Variants in TENM3 observed in about 807,000 individuals in gnomAD.
TENM3 encodes teneurin transmembrane protein 3.
TENM3 carries 63 observed loss-of-function variants against 255.1 expected under a neutral mutation model. The observed-to-expected ratio is 0.25, with a 90% CI of 0.20 to 0.30. The LOEUF (loss-of-function observed/expected upper bound fraction) is 0.30, where lower values mean the gene tolerates loss of function less well. TENM3 is among the 10% of genes least tolerant of loss of function. The pLI is 1.00. For synonymous variants in TENM3, 1,306 were observed against 1,322.3 expected (o/e 0.99, Z 0.27); for missense variants, 2,929 against 3,461.1 (o/e 0.85, Z 3.86).
chr4:181,736,068 C>A, the TENM3 span, among the ~76,000 whole-genome samples: 1 of 152,072 alleles, frequency 6.6e-6, no homozygotes, highest in African/African-American at 2.4e-5. Flanking sequence ...GAGGCCAAAG[C>A]GGGCAGATGA....
the TENM3 span, among the ~76,000 whole-genome samples, chr4:181,655,626 T>C: frequency 6.6e-6 from 1 of 152,132 alleles, no homozygotes; most frequent in Non-Finnish European, 1.5e-5. Flanking sequence ...GCCCCTTTCA[T>C]AGTTTGGAAT....
chr4:182,501,375 G>T (rs1026792335), intron 3 of TENM3, among the ~76,000 whole-genome samples: 9 of 24,026 alleles, frequency 3.7e-4, no homozygotes, highest in East Asian at 2.8e-3. Context: ...TCTAAAAGTG[G>T]GGGGGGGGGT....
chr4:181,796,372 AG>A, the TENM3 span, among the ~76,000 whole-genome samples: 1 of 152,136 alleles, frequency 6.6e-6, no homozygotes, highest in African/African-American at 2.4e-5. Flanking sequence ...CTCAAAGAAA[AG>A]TTTGTGATGT....
the TENM3 span, among the ~76,000 whole-genome samples, chr4:181,705,483 C>A: frequency 6.6e-6 from 1 of 152,206 alleles, no homozygotes; most frequent in South Asian, 2.1e-4. Context: ...CCATCATTTT[C>A]ATTGATGAGA....
chr4:182,599,844 C>A (rs1431562241), intron 3 of TENM3, among the ~76,000 whole-genome samples: 1 of 152,054 alleles, frequency 6.6e-6, no homozygotes, highest in Non-Finnish European at 1.5e-5. Context: ...GCATTTAGTC[C>A]AAAATTGACA....
At chr4:182,672,366 A>G (rs568947953) in intron 6 of TENM3, among the ~76,000 whole-genome samples, 1 of 152,324 alleles carries the variant, frequency 6.6e-6, no homozygotes, top group South Asian at 2.1e-4. Context: ...ATGAGGCTCA[A>G]AAGAAAGAGG....
At chr4:182,132,232 C>A in the TENM3 span, among the ~76,000 whole-genome samples, 1 of 152,114 alleles carries the variant, frequency 6.6e-6, no homozygotes, top group East Asian at 1.9e-4. Flanking sequence ...ATAATCCCAG[C>A]ACTTTGGGAG....
chr4:182,277,544 A>T (rs1381468166), intron 1 of TENM3, among the ~76,000 whole-genome samples: 1 of 152,122 alleles, frequency 6.6e-6, no homozygotes. Flanking sequence ...GTTGGTTGCT[A>T]TTATTGTTTA....
At position 182,679,712 on chromosome 4, in the gene TENM3, A is replaced by C; in HGVS notation, c.1373A>C (p.Glu458Ala). The stretch of plus-strand genomic sequence containing the variant: ...GATGGCAGCAGGCTGATTGCCAGAG[A>C]GCAGCGGAGCCTGCTTGAGACGGAG... Reference protein sequence around the residue: ...LLDGSRLIAREQRSLLETERA... With the variant: ...LLDGSRLIARAQRSLLETERA... The change falls in exon 8 of 28, where the codon GAG becomes GCG. Residue 458 changes from glutamate (E) to alanine (A), a missense_variant. Physicochemically the swap from Glu to Ala is moderately radical, Grantham distance 107. Transcript: ENST00000511685. 6.2e-7 allele frequency: 1 copy of C among 1,613,362 alleles called. No homozygotes were observed. The highest frequency in any genetic ancestry group is 8.5e-7 in the Non-Finnish European group (1 of 1,179,862).
intron 6 of TENM3, among the ~76,000 whole-genome samples, chr4:182,659,271 T>C (rs559159460): frequency 1.6e-4 from 24 of 152,234 alleles, no homozygotes; most frequent in African/African-American, 4.1e-4. Flanking sequence ...TTTTTGTGGT[T>C]TTAGTTACCT....
chr4:182,789,392 A>G lies in TENM3; in HGVS notation c.5601+3A>G. The G allele has an allele frequency of 6.2e-7, 1 of 1,607,168 alleles. No individual in the cohort carries two copies. Among genetic ancestry groups the G allele is most frequent in the Non-Finnish European group, 8.5e-7 (1 of 1,174,794 alleles). The stretch of plus-strand genomic sequence containing the variant: ...GGAGTTACACATATTTAGAAAAGGT[A>G]TGCCTGCAAACTAAGCTCAACAATA... On this transcript the variant is annotated splice_donor_region_variant and intron_variant, in intron 25 of 27. Transcript: ENST00000511685. The surrounding 1 kb of genome is among the most constrained non-coding windows in gnomAD (Gnocchi z 4.4).
chr4:182,400,899 C>T (rs1222129334), intron 3 of TENM3, among the ~76,000 whole-genome samples: 1 of 152,102 alleles, frequency 6.6e-6, no homozygotes, highest in African/African-American at 2.4e-5. Context: ...TCATGTTATA[C>T]TATGGGGGTA....
rs200547085 is a variant in TENM3 at position 182,169,141 on chromosome 4, C to G, written c.-76+24387C>G. 3.3e-5 allele frequency among the ~76,000 whole-genome samples: 5 copies of G among 151,584 alleles called. No individual in the cohort carries two copies. The East Asian group carries it at 9.7e-4, about 29-fold the overall frequency. The stretch of plus-strand genomic sequence containing the variant: ...TGAATGCCATCTTCTAAGATCTGTA[C>G]ATTTGACCACTATTAATCTGTGGTT... On this transcript the variant is annotated intron_variant, in intron 1 of 2. Coordinates refer to the TENM3 transcript ENST00000512480.
the TENM3 span, among the ~76,000 whole-genome samples, chr4:182,052,350 C>G: frequency 6.6e-6 from 1 of 151,962 alleles, no homozygotes; most frequent in Non-Finnish European, 1.5e-5. Flanking sequence ...GAGAAGGAAA[C>G]GGTAAACATG....
the TENM3 span, among the ~76,000 whole-genome samples, chr4:181,952,229 TTTC>T: frequency 1.3e-5 from 2 of 152,246 alleles, no homozygotes; most frequent in African/African-American, 4.8e-5. Context: ...TTGGGGCCTT[TTTC>T]TTCTTCTTTT....
chr4:181,648,297 A>T, the TENM3 span, among the ~76,000 whole-genome samples: 1 of 152,182 alleles, frequency 6.6e-6, no homozygotes, highest in African/African-American at 2.4e-5. Context: ...TACTGCTGCA[A>T]AGTTCGCACA....
chr4:182,429,708 G>A (rs565599596), intron 3 of TENM3, among the ~76,000 whole-genome samples: 1 of 152,140 alleles, frequency 6.6e-6, no homozygotes, highest in African/African-American at 2.4e-5. Context: ...AGCTGCAGTT[G>A]TATTAACCAT....
chr4:182,101,778 C>T, the TENM3 span, among the ~76,000 whole-genome samples: 3 of 152,108 alleles, frequency 2.0e-5, no homozygotes, highest in Admixed American at 2.0e-4. Flanking sequence ...TAAATGTTCT[C>T]ACCACAAAAA....
At chr4:182,562,554 C>G (rs1363939164) in intron 3 of TENM3, among the ~76,000 whole-genome samples, 1 of 152,076 alleles carries the variant, frequency 6.6e-6, no homozygotes, top group African/African-American at 2.4e-5. Flanking sequence ...GTATGGCTGC[C>G]CTACCGTGAC....
Sources: gnomAD v4.1 joint callset for allele counts (sites outside exome capture counted in the v4.1 genomes callset) on GRCh38, gnomAD v4.1.1 for gene constraint, Gnocchi (gnomAD v3.1) non-coding constraint, MANE v1.5 for transcripts, NCBI Gene and HGNC (gene_info 2026-07-23, HGNC 2026-07-21) for gene names.